STX7: variants seen among roughly 807,000 people sequenced by gnomAD.
STX7 encodes the protein syntaxin-7.
Under a neutral mutation model 39.6 loss-of-function variants are expected in STX7, and 34 were observed. The observed-to-expected ratio is 0.86, with a 90% CI of 0.65 to 1.14. STX7 has a LOEUF of 1.14. STX7 is among the 50% of genes most tolerant of loss of function. The probability of loss-of-function intolerance (pLI) is 0.00; values close to 1 mark genes in which losing one functional copy is unlikely to be tolerated. For missense variants in STX7, 284 were observed against 310.4 expected (o/e 0.92, Z 0.64); for synonymous variants, 119 against 99.1 (o/e 1.20, Z -1.19).
intron 2 of STX7, among the ~76,000 whole-genome samples, chr6:132,485,966 G>A (rs1582666589): frequency 6.6e-6 from 1 of 152,120 alleles, no homozygotes; most frequent in East Asian, 1.9e-4. Flanking sequence ...AATGTTTGAT[G>A]TTATTGTAAA....
chr6:132,509,448 T>TTTAAA (rs1562343402), intron 1 of STX7, among the ~76,000 whole-genome samples: 6 of 61,232 alleles, frequency 9.8e-5, no homozygotes, highest in Non-Finnish European at 1.2e-4. Context: ...GAGACTCGTC[T>TTTAAA]CAAAATAACA....
intron 1 of STX7, among the ~76,000 whole-genome samples, chr6:132,507,412 A>G (rs1775731202): frequency 1.3e-5 from 2 of 152,230 alleles, no homozygotes; most frequent in African/African-American, 4.8e-5. Context: ...TCACTTTTAG[A>G]ACATTTCTAT....
chr6:132,504,559 ATTG>A (rs1775651577), intron 1 of STX7, among the ~76,000 whole-genome samples: 1 of 152,184 alleles, frequency 6.6e-6, no homozygotes, highest in Non-Finnish European at 1.5e-5. Flanking sequence ...ATACTGCAAA[ATTG>A]TTGGTGGTCA....
At chr6:132,500,359 A>G (rs1415038535) in intron 2 of STX7, among the ~76,000 whole-genome samples, 24 of 152,150 alleles carry the variant, frequency 1.6e-4, no homozygotes, top group Admixed American at 1.6e-3. Context: ...GCTGTGCTTC[A>G]GCCACACTAG....
chr6:132,513,214 C>G (rs1029313488), upstream of STX7: 1 of 152,306 alleles, frequency 6.6e-6, no homozygotes, highest in Non-Finnish European at 1.5e-5. Context: ...CCCTCCGGTT[C>G]CAAGCTAAGG....
Position 132,470,622 on chromosome 6 carries a change from C to T in STX7, c.392G>A (p.Ser131Asn). 1 of 1,608,878 alleles carries T rather than the reference C, an allele frequency of 6.2e-7. No individual in the cohort carries two copies. Among genetic ancestry groups the T allele is most frequent in the Non-Finnish European group, 8.5e-7 (1 of 1,176,786 alleles). Residue 131 changes from serine to asparagine, a missense_variant, in exon 6 of 10, where the codon AGT becomes AAT. By Grantham distance (46) the Ser-to-Asn change is conservative. Transcript: ENST00000367941. ...RVRASSRVSG[S>N]FPEDSSKERN... is the part of the protein sequence containing the mutation. ...TTCTTTTGAGCTGTCCTCAGGAAAA[C>T]TGCCCTGAATAATTTAGTAACAGGA... is the stretch of plus-strand genomic sequence containing the variant.
intron 2 of STX7, among the ~76,000 whole-genome samples, chr6:132,502,845 G>C (rs2114472877): frequency 6.6e-6 from 1 of 152,134 alleles, no homozygotes; most frequent in African/African-American, 2.4e-5. Context: ...CTTGCAGTGA[G>C]CCAAGATCGT....
rs144265881 is a variant in STX7 at position 132,474,382 on chromosome 6, T to A, written c.155+1211A>T. ...ATGAATTGTGGTTTATTATTTAGAT[T>A]TGGAGCATTTTTACCATTCTGACAC... On this transcript the variant is annotated intron_variant, in intron 3 of 9. Coordinates refer to ENST00000367941, the MANE Select transcript of STX7 (RefSeq NM_003569.3). Among the ~76,000 whole-genome samples the A allele has an allele frequency of 7.4e-3, 1,124 of 152,266 alleles. 13 individuals are homozygous for A. The highest frequency in any genetic ancestry group is 0.026 in the African/African-American group (1,083 of 41,548).
intron 2 of STX7, among the ~76,000 whole-genome samples, chr6:132,489,199 T>C (rs1483591165): frequency 9.9e-5 from 10 of 101,108 alleles, no homozygotes; most frequent in Admixed American, 3.9e-4. Flanking sequence ...GGACTCTGTC[T>C]TAAAAAAAAA....
At position 132,458,115 on chromosome 6, in the gene STX7, A is replaced by G. The variant is rs1014779360; in HGVS notation, c.*2643T>C. On this transcript the variant is annotated 3_prime_UTR_variant, in exon 10 of 10. Transcript: ENST00000367941. ...GTCTAAACAATTGATATTCAAAAAC[A>G]CAACTTTTTGTGTACAAAATTTTAC... 1 of 152,258 alleles carries G rather than the reference A, an allele frequency of 6.6e-6. No homozygotes were observed. The highest frequency in any genetic ancestry group is 1.5e-5 in the Non-Finnish European group (1 of 68,044). 9.4% of individuals were successfully genotyped at this position (152,258 alleles called of 1,614,324 possible).
At chr6:132,503,621 T>C in intron 1 of STX7, 33 bp from the exon 2 acceptor site, 1 of 952,586 alleles carries the variant, frequency 1.0e-6, no homozygotes, top group South Asian at 1.6e-5. Flanking sequence ...AGATATATTT[T>C]TTAAGTTACT....
intron 2 of STX7, among the ~76,000 whole-genome samples, chr6:132,496,080 T>C (rs1208630313): frequency 6.6e-6 from 1 of 152,176 alleles, no homozygotes; most frequent in Non-Finnish European, 1.5e-5. Context: ...CCTAGAAGGT[T>C]CTGTCTTTCC....
chr6:132,493,574 G>A (rs1001816330), intron 2 of STX7, among the ~76,000 whole-genome samples: 9 of 152,098 alleles, frequency 5.9e-5, no homozygotes, highest in East Asian at 1.9e-4. Flanking sequence ...CTTTTCCTTC[G>A]TCTTCCGCCA....
chr6:132,504,073 A>G (rs2114475945), intron 1 of STX7, among the ~76,000 whole-genome samples: 1 of 152,304 alleles, frequency 6.6e-6, no homozygotes, highest in South Asian at 2.1e-4. Context: ...TAGGTTGTGC[A>G]AAAGTAATTG....
intron 2 of STX7, among the ~76,000 whole-genome samples, chr6:132,502,507 TATA>T (rs1775593598): frequency 6.6e-6 from 1 of 152,176 alleles, no homozygotes; most frequent in Non-Finnish European, 1.5e-5. Flanking sequence ...TCAAATCTGC[TATA>T]ATGATTTTTT....
At chr6:132,476,124 C>T (rs1401288926) in intron 2 of STX7, among the ~76,000 whole-genome samples, 2 of 152,052 alleles carry the variant, frequency 1.3e-5, no homozygotes, top group African/African-American at 4.8e-5. Flanking sequence ...TCAGCAAGGT[C>T]ATCAAAAAAT....
chr6:132,461,758 A>C, intron 9 of STX7: 1 of 1,416,600 alleles, frequency 7.1e-7, no homozygotes, highest in Non-Finnish European at 9.4e-7. Flanking sequence ...CTGTCATTGA[A>C]AACCGAATGG....
At chr6:132,476,328 G>A (rs961798016) in intron 2 of STX7, among the ~76,000 whole-genome samples, 6 of 151,990 alleles carry the variant, frequency 3.9e-5, no homozygotes, top group Non-Finnish European at 8.8e-5. Flanking sequence ...ATGATCTGAG[G>A]ATTTTTCTTG....
rs1279334609 is a variant in STX7, at chr6:132,450,982, C to T, written c.*9776G>A. 2 of 151,426 alleles carry T rather than the reference C, an allele frequency of 1.3e-5. No homozygotes were observed. The highest frequency in any genetic ancestry group is 2.9e-5 in the Non-Finnish European group (2 of 67,862). 9.4% of individuals were successfully genotyped at this position (151,426 alleles called of 1,614,324 possible). On this transcript the variant is annotated 3_prime_UTR_variant, in exon 10 of 10. Coordinates refer to ENST00000367941, the MANE Select transcript of STX7 (RefSeq NM_003569.3). Reference sequence around the variant, plus strand: ...TACAAGATACATCATGGTTAAACAACTAAAAACTAAACACAAAGGAAAAAA... The same window carrying T: ...TACAAGATACATCATGGTTAAACAATTAAAAACTAAACACAAAGGAAAAAA...
Sources: allele counts gnomAD v4.1 joint callset (sites outside exome capture counted in the v4.1 genomes callset), GRCh38; gene constraint gnomAD v4.1.1; transcripts MANE v1.5; gene names NCBI Gene and HGNC (gene_info 2026-07-23, HGNC 2026-07-21).